ICE1: variants seen among roughly 807,000 people sequenced by gnomAD.
The protein encoded by ICE1 is little elongation complex subunit 1.
ICE1 carries 64 observed loss-of-function variants against 192.7 expected under a neutral mutation model. The observed-to-expected ratio is 0.33, with a 90% CI of 0.27 to 0.41. ICE1 has a LOEUF of 0.41. Ranked by LOEUF, ICE1 falls within the 10% of genes least tolerant of loss-of-function variation. The pLI is 1.00. For missense variants in ICE1, 2,708 were observed against 2,696.0 expected (o/e 1.00, Z -0.10); for synonymous variants, 1,010 against 984.5 (o/e 1.03, Z -0.49).
At chr5:5,488,819 T>C (rs930557806) in intron 18 of ICE1, among the ~76,000 whole-genome samples, 1 of 152,130 alleles carries the variant, frequency 6.6e-6, no homozygotes, top group Admixed American at 6.6e-5. Flanking sequence ...AATATGGGAG[T>C]GTGATCCTTC....
chr5:5,483,013 G>A lies in ICE1; in HGVS notation c.6521-3708G>A, dbSNP rs147416702. On this transcript the variant is annotated intron_variant, in intron 17 of 18. Transcript: ENST00000296564. ...ATTCTTTTTTTGTTTTTTTTGAGAC[G>A]GAGTTTCGCTCTTGTTGCCCAAGCT... is the stretch of plus-strand genomic sequence containing the variant. 2.6e-3 allele frequency among the ~76,000 whole-genome samples: 394 copies of A among 151,676 alleles called. 1 individual carries two copies. Among genetic ancestry groups the A allele is most frequent in the African/African-American group, 9.1e-3 (375 of 41,330 alleles).
At chr5:5,476,459 G>T (rs1387235698) in intron 17 of ICE1, among the ~76,000 whole-genome samples, 3 of 152,104 alleles carry the variant, frequency 2.0e-5, no homozygotes, top group African/African-American at 4.8e-5. Flanking sequence ...CCTGAGATGG[G>T]ATAATTTATA....
At chr5:5,482,518 G>A (rs1271223987) in intron 17 of ICE1, among the ~76,000 whole-genome samples, 1 of 152,246 alleles carries the variant, frequency 6.6e-6, no homozygotes, top group East Asian at 1.9e-4. Flanking sequence ...CAAGATGGGT[G>A]TGGGGAGGCT....
intron 17 of ICE1, among the ~76,000 whole-genome samples, chr5:5,480,111 G>C (rs1374998857): frequency 6.6e-6 from 1 of 152,068 alleles, no homozygotes; most frequent in Non-Finnish European, 1.5e-5. Context: ...TCTTAGTTTT[G>C]ACCTGACTTC....
chr5:5,444,274 C>G lies in ICE1; in HGVS notation c.387-15C>G, dbSNP rs1738139338. Reference sequence around the variant, plus strand: ...TCTCTTTCTTGCCATTTAACTTACACAATTTCGTTATTAGGAAGAAGAAAC... The same window carrying G: ...TCTCTTTCTTGCCATTTAACTTACAGAATTTCGTTATTAGGAAGAAGAAAC... On this transcript the variant is annotated splice_polypyrimidine_tract_variant and intron_variant, in intron 6 of 18. Coordinates refer to ENST00000296564, the MANE Select transcript of ICE1 (RefSeq NM_015325.3). 6.5e-7 allele frequency: 1 copy of G among 1,549,380 alleles called. No homozygotes were observed. Among genetic ancestry groups the G allele is most frequent in the Non-Finnish European group, 8.8e-7 (1 of 1,141,512 alleles).
At chr5:5,437,306 TA>T in intron 3 of ICE1, 192 bp downstream of exon 3, 1 of 468,502 alleles carries the variant, frequency 2.1e-6, no homozygotes. Flanking sequence ...TGATGAGTTT[TA>T]AAAATGAGAT....
At chr5:5,479,441 C>T (rs1417762107) in intron 17 of ICE1, among the ~76,000 whole-genome samples, 2 of 152,154 alleles carry the variant, frequency 1.3e-5, no homozygotes, top group East Asian at 3.9e-4. Flanking sequence ...AGTCAGGAAA[C>T]AACAGATGCT....
Position 5,461,837 on chromosome 5 carries a change from C to G in ICE1, c.2503C>G (p.Pro835Ala). The G allele has an allele frequency of 6.2e-7, 1 of 1,614,000 alleles. No individual in the cohort carries two copies. The highest frequency in any genetic ancestry group is 1.3e-5 in the African/African-American group (1 of 75,066). ...ACAAAATAGAGGACCAACACCCAAG[C>G]CTGATCTTCTTAGAGAAAATAACAA... ...FLQNRGPTPKPDLLRENNNPV... is the reference protein window; with the variant it reads ...FLQNRGPTPKADLLRENNNPV... Residue 835 changes from proline to alanine, a missense_variant, in exon 13 of 19, where the codon CCT becomes GCT. By Grantham distance (27) the Pro-to-Ala change is conservative. This residue lies in a region of ICE1 where 2,366 missense variants were observed against 2,276.6 expected (regional missense o/e 1.04). Transcript: ENST00000296564.
In ICE1 at chr5:5,464,535, G is replaced by T. The variant is rs768289478; in HGVS notation, c.5201G>T (p.Cys1734Phe). ...CCTGTGCCTGGCCGACTCCCACCCT[G>T]TGCATCTGGCCACGCTGCTGTGGGA... ...ALPVPGRLPPCASGHAAVGGP... is the reference protein window; with the variant it reads ...ALPVPGRLPPFASGHAAVGGP... The change falls in exon 13 of 19, where the codon TGT (cysteine) becomes TTT (phenylalanine). Residue 1734 changes from cysteine to phenylalanine, a missense_variant. Cys to Phe is a radical substitution (Grantham distance 205). This residue lies in a region of ICE1 where 2,366 missense variants were observed against 2,276.6 expected (regional missense o/e 1.04). Transcript: ENST00000296564. The surrounding 1 kb of genome is among the most constrained non-coding windows in gnomAD (Gnocchi z 4.0). 6.2e-7 allele frequency: 1 copy of T among 1,613,912 alleles called. No homozygotes were observed. The highest frequency in any genetic ancestry group is 8.5e-7 in the Non-Finnish European group (1 of 1,179,848).
intron 2 of ICE1, among the ~76,000 whole-genome samples, chr5:5,436,679 G>A (rs566492122): frequency 1.3e-5 from 2 of 152,232 alleles, no homozygotes; most frequent in South Asian, 2.1e-4. Flanking sequence ...AACAAAGCTC[G>A]TGGGTTAGTA....
At chr5:5,425,475 T>C (rs1379054754) in intron 1 of ICE1, among the ~76,000 whole-genome samples, 1 of 152,160 alleles carries the variant, frequency 6.6e-6, no homozygotes, top group Non-Finnish European at 1.5e-5. Flanking sequence ...AGTAGGGCCT[T>C]AGTTTACAGA....
intron 16 of ICE1, among the ~76,000 whole-genome samples, chr5:5,474,561 A>C (rs1739259775): frequency 6.6e-6 from 1 of 152,354 alleles, no homozygotes; most frequent in East Asian, 1.9e-4. Flanking sequence ...TCTGACATTC[A>C]TTGTATGTAG....
intron 5 of ICE1, 30 bp downstream of exon 5, chr5:5,441,253 A>G (rs1454313474): frequency 7.3e-7 from 1 of 1,363,378 alleles, no homozygotes; most frequent in Non-Finnish European, 1.0e-6. Context: ...GTAAAGATTT[A>G]CGGTCAATAA....
intron 3 of ICE1, 47 bp downstream of exon 3, chr5:5,437,161 G>T (rs765779064): frequency 7.2e-7 from 1 of 1,384,242 alleles, no homozygotes; most frequent in South Asian, 1.3e-5. Flanking sequence ...ACTAACTTAT[G>T]TTTAATTCCT....
Position 5,422,902 on chromosome 5 carries a change from C to T in ICE1, c.-14C>T, listed in dbSNP as rs917149974. The T allele has an allele frequency of 1.4e-5, 19 of 1,381,610 alleles. No individual in the cohort carries two copies. Among genetic ancestry groups the T allele is most frequent in the Admixed American group, 5.9e-5 (2 of 33,826 alleles). The allele number at this position is 1,381,610 out of a possible 1,614,324, so 85.6% of individuals were successfully genotyped here. On this transcript the variant is annotated 5_prime_UTR_variant, in exon 1 of 19. Coordinates refer to ENST00000296564, the MANE Select transcript of ICE1 (RefSeq NM_015325.3). ...CCTGAGGCGTGCGTGCCCACCGGGC[C>T]CGGCGGCGGCACCATGATGCCGGGC...
At chr5:5,442,630 T>C (rs72727738) in intron 5 of ICE1, among the ~76,000 whole-genome samples, 2,346 of 152,282 alleles carry the variant, frequency 0.015, 36 homozygotes, top group Non-Finnish European at 0.022. Context: ...ATAATGAAAC[T>C]GTTGAGATTA....
chr5:5,444,588 A>G (rs1000409205), intron 7 of ICE1, among the ~76,000 whole-genome samples: 5 of 152,230 alleles, frequency 3.3e-5, no homozygotes, highest in Non-Finnish European at 5.9e-5. Flanking sequence ...TACTTTTGCT[A>G]TAAAAAGCAG....
chr5:5,441,905 T>C (rs1738064120), intron 5 of ICE1, among the ~76,000 whole-genome samples: 1 of 152,214 alleles, frequency 6.6e-6, no homozygotes, highest in South Asian at 2.1e-4. Context: ...AATGAGTCTT[T>C]CAATAATGCT....
intron 1 of ICE1, among the ~76,000 whole-genome samples, chr5:5,435,875 G>C (rs1422791001): frequency 6.6e-6 from 1 of 151,844 alleles, no homozygotes; most frequent in Non-Finnish European, 1.5e-5. Context: ...TCACCATGTT[G>C]GTCAGGCTGG....
Sources: allele counts gnomAD v4.1 joint callset (sites outside exome capture counted in the v4.1 genomes callset), GRCh38; gene constraint gnomAD v4.1.1; regional missense constraint gnomAD v4.1.1; non-coding constraint Gnocchi (gnomAD v3.1); transcripts MANE v1.5; gene names NCBI Gene and HGNC (gene_info 2026-07-23, HGNC 2026-07-21).